The following SLC38A12 variants were observed in gnomAD, a reference collection of about 807,000 sequenced individuals.
SLC38A12 encodes putative sodium-coupled neutral amino acid transporter 12.
At chr17:74,784,545 G>A in the SLC38A12 span, among the ~76,000 whole-genome samples, 1 of 152,106 alleles carries the variant, frequency 6.6e-6, no homozygotes, top group Non-Finnish European at 1.5e-5. Flanking sequence ...CGTGTGCTTG[G>A]TGGAGCCTGC....
the SLC38A12 span, chr17:74,777,530 G>A: frequency 2.3e-5 from 36 of 1,543,876 alleles, no homozygotes; most frequent in Non-Finnish European, 3.1e-5. Flanking sequence ...CGACTACAGT[G>A]CTGCTGTGGT....
the SLC38A12 span, among the ~76,000 whole-genome samples, chr17:74,778,234 T>C: frequency 1.1e-4 from 16 of 152,372 alleles, no homozygotes; most frequent in African/African-American, 3.8e-4. Flanking sequence ...ATCTTCTCTA[T>C]GTAACGTATG....
chr17:74,838,831 A>G, the SLC38A12 span: 3 of 1,525,292 alleles, frequency 2.0e-6, no homozygotes, highest in African/African-American at 2.7e-5. Flanking sequence ...GTTTCACTGC[A>G]GCCATCATCA....
At chr17:74,836,551 C>T in the SLC38A12 span, 2,345 of 1,613,356 alleles carry the variant, frequency 1.5e-3, 7 homozygotes, top group Non-Finnish European at 1.6e-3. The surrounding 1 kb of genome is among the most constrained non-coding windows in gnomAD (Gnocchi z 4.2). Flanking sequence ...ACCCAGCTGG[C>T]CTTTGGCTGT....
the SLC38A12 span, among the ~76,000 whole-genome samples, chr17:74,780,100 G>A: frequency 1.3e-5 from 2 of 152,214 alleles, no homozygotes; most frequent in South Asian, 2.1e-4. Context: ...CAGAAGGGTC[G>A]GCCGCTGAGG....
At chr17:74,830,752 G>T in the SLC38A12 span, among the ~76,000 whole-genome samples, 1 of 152,198 alleles carries the variant, frequency 6.6e-6, no homozygotes, top group Non-Finnish European at 1.5e-5. Context: ...CAGGACTCGT[G>T]CCTGTTTTAT....
chr17:74,835,481 AT>A, the SLC38A12 span, among the ~76,000 whole-genome samples: 2 of 152,032 alleles, frequency 1.3e-5, no homozygotes, highest in Admixed American at 6.5e-5. Flanking sequence ...CCAGCCTCAC[AT>A]TCCTTAAACC....
the SLC38A12 span, among the ~76,000 whole-genome samples, chr17:74,828,544 G>A: frequency 2.0e-5 from 3 of 152,258 alleles, no homozygotes; most frequent in East Asian, 1.9e-4. Context: ...GGCAGGGACC[G>A]TTGGGCAGGG....
At chr17:74,811,337 CA>C in the SLC38A12 span, among the ~76,000 whole-genome samples, 1 of 143,734 alleles carries the variant, frequency 7.0e-6, no homozygotes, top group African/African-American at 2.6e-5. Context: ...CTGAAGAAAC[CA>C]AAAAAAAACA....
At chr17:74,807,441 C>T in the SLC38A12 span, among the ~76,000 whole-genome samples, 6 of 152,232 alleles carry the variant, frequency 3.9e-5, no homozygotes, top group African/African-American at 1.4e-4. Flanking sequence ...GGGCCTGTGG[C>T]GGGGCTTTGG....
chr17:74,784,959 T>TC, the SLC38A12 span, among the ~76,000 whole-genome samples: 868 of 94,436 alleles, frequency 9.2e-3, 11 homozygotes, highest in African/African-American at 0.031. Flanking sequence ...TGCCTCAACT[T>TC]TTTTTTTAAA....
At chr17:74,787,682 G>A in the SLC38A12 span, among the ~76,000 whole-genome samples, 7,317 of 151,972 alleles carry the variant, frequency 0.048, 207 homozygotes, top group African/African-American at 0.06. Context: ...GCTGTTCCAC[G>A]GCAGAGATGG....
the SLC38A12 span, among the ~76,000 whole-genome samples, chr17:74,793,309 A>G: frequency 6.6e-6 from 1 of 152,058 alleles, no homozygotes; most frequent in Non-Finnish European, 1.5e-5. Flanking sequence ...CCTCCTACTT[A>G]TGACAGTCAA....
the SLC38A12 span, among the ~76,000 whole-genome samples, chr17:74,789,267 C>T: frequency 6.6e-6 from 1 of 152,164 alleles, no homozygotes; most frequent in Non-Finnish European, 1.5e-5. Flanking sequence ...GGGGGGCTCA[C>T]ACCTGTAATC....
the SLC38A12 span, chr17:74,819,699 C>A: frequency 6.4e-7 from 1 of 1,553,860 alleles, no homozygotes; most frequent in East Asian, 2.2e-5. Flanking sequence ...CGTGTGCAGA[C>A]AGTCTGCTGG....
At chr17:74,821,073 G>A in the SLC38A12 span, among the ~76,000 whole-genome samples, 23 of 152,318 alleles carry the variant, frequency 1.5e-4, no homozygotes, top group South Asian at 4.2e-4. Context: ...GGTGGCCTCC[G>A]GGGCCCAGAG....
At chr17:74,809,488 C>T in the SLC38A12 span, among the ~76,000 whole-genome samples, 6 of 152,294 alleles carry the variant, frequency 3.9e-5, no homozygotes, top group Middle Eastern at 3.4e-3. Context: ...TCTCGGAGCC[C>T]GCACAGGGGA....
chr17:74,788,550 T>A, the SLC38A12 span, among the ~76,000 whole-genome samples: 8 of 152,126 alleles, frequency 5.3e-5, no homozygotes, highest in African/African-American at 1.9e-4. Flanking sequence ...TTATTTTCCC[T>A]CCCATCACTT....
chr17:74,807,463 C>A, the SLC38A12 span, among the ~76,000 whole-genome samples: 1 of 152,240 alleles, frequency 6.6e-6, no homozygotes, highest in Non-Finnish European at 1.5e-5. Flanking sequence ...ACACAACCCT[C>A]CCCTGGGCCT....
Sources: gnomAD v4.1 joint callset for allele counts (sites outside exome capture counted in the v4.1 genomes callset) on GRCh38, gnomAD v4.1.1 for gene constraint, Gnocchi (gnomAD v3.1) non-coding constraint, MANE v1.5 for transcripts, NCBI Gene and HGNC (gene_info 2026-07-23, HGNC 2026-07-21) for gene names.